The following CCDC14 variants were observed in gnomAD, a reference collection of about 807,000 sequenced individuals.
CCDC14 encodes coiled-coil domain containing 14.
CCDC14 carries 71 observed loss-of-function variants against 81.4 expected under a neutral mutation model. That is an observed-to-expected ratio of 0.87 (90% CI 0.72 to 1.06). CCDC14 has a LOEUF of 1.06. Ranked by LOEUF, CCDC14 falls within the 50% of genes least tolerant of loss-of-function variation. The pLI is 0.00. For synonymous variants in CCDC14, 332 were observed against 364.8 expected, an observed-to-expected ratio of 0.91 and a Z score of 1.03; for missense variants, 1,046 against 1,047.3, an observed-to-expected ratio of 1.00 and a Z score of 0.02.
Position 123,956,032 on chromosome 3 carries a change from T to TTAA in CCDC14, c.229+13_229+14insTTA. ...TGAGATAAGGTGATCAGCAAAGAAT[T>TTAA]AAAAAAAAAAAACCTGAATCTTCAT... is the stretch of plus-strand genomic sequence containing the variant. On this transcript the variant is annotated intron_variant, in intron 4 of 12. Transcript: ENST00000409697. 8.4e-7 allele frequency: 1 copy of TTAA among 1,190,890 alleles called. No homozygotes were observed. The highest frequency in any genetic ancestry group is 1.1e-6 in the Non-Finnish European group (1 of 872,836). 73.8% of individuals were successfully genotyped at this position (1,190,890 alleles called of 1,614,324 possible).
chr3:123,948,820 T>G (rs1332240801), intron 6 of CCDC14, 35 bp from the exon 7 acceptor site: 4 of 1,578,392 alleles, frequency 2.5e-6, no homozygotes, highest in Non-Finnish European at 3.4e-6. Context: ...TAATCACATA[T>G]CCTACTTTTT....
At position 123,961,182 on chromosome 3, in the gene CCDC14, G is replaced by A; in HGVS notation, c.-9C>T. Reference sequence around the variant, plus strand: ...GCTCCAGACCTGACCATCTCTCGCCGCCTCAGAGAAGCCCAGACCGAGGGA... The same window carrying A: ...GCTCCAGACCTGACCATCTCTCGCCACCTCAGAGAAGCCCAGACCGAGGGA... On this transcript the variant is annotated 5_prime_UTR_variant, in exon 1 of 13. Transcript: ENST00000409697. The A allele has an allele frequency of 3.2e-6, 5 of 1,551,530 alleles. No individual in the cohort carries two copies. Among genetic ancestry groups the A allele is most frequent in the African/African-American group, 1.4e-5 (1 of 73,116 alleles).
chr3:123,916,492 G>A (rs2034705569), intron 12 of CCDC14, among the ~76,000 whole-genome samples: 1 of 151,510 alleles, frequency 6.6e-6, no homozygotes, highest in African/African-American at 2.4e-5. Context: ...GTGTGTGTGT[G>A]TGTGTGTGTG....
chr3:123,929,005 A>G (rs1038328225), intron 12 of CCDC14, among the ~76,000 whole-genome samples: 6 of 152,234 alleles, frequency 3.9e-5, no homozygotes, highest in African/African-American at 7.2e-5. Context: ...TAAATAAAAG[A>G]TATCAGCTTG....
intron 5 of CCDC14, among the ~76,000 whole-genome samples, chr3:123,907,543 AC>A (rs2034339541): frequency 2.7e-5 from 4 of 148,202 alleles, no homozygotes; most frequent in African/African-American, 5.0e-5. Flanking sequence ...CCCTGTCTCC[AC>A]ACAAAAAAAA....
At chr3:123,942,778 T>A (rs1478783766) in intron 9 of CCDC14, among the ~76,000 whole-genome samples, 1 of 152,092 alleles carries the variant, frequency 6.6e-6, no homozygotes. Context: ...TTGGCCTTGA[T>A]GGTCATCACT....
chr3:123,918,218 A>G (rs2034823572), intron 12 of CCDC14, among the ~76,000 whole-genome samples: 1 of 152,182 alleles, frequency 6.6e-6, no homozygotes, highest in Non-Finnish European at 1.5e-5. Context: ...TACAAAACTA[A>G]AAACAAATTT....
chr3:123,898,002 C>T (rs1333692783), intron 5 of CCDC14, among the ~76,000 whole-genome samples: 1 of 152,120 alleles, frequency 6.6e-6, no homozygotes, highest in African/African-American at 2.4e-5. Context: ...GAATCTATAG[C>T]CAAATGATAT....
Position 123,944,875 on chromosome 3 carries a change from T to TA in CCDC14, c.1316dup (p.Leu439PhefsTer4). 1 of 1,611,610 alleles carries TA rather than the reference T, an allele frequency of 6.2e-7. No homozygotes were observed. On this transcript the variant is annotated frameshift_variant, in exon 9 of 13. Transcript: ENST00000409697. LOFTEE classifies it high-confidence loss of function. ...TTCGTAACTGAGCATTCTCACTTCT[T>TA]AATGGTTGCATGGCCAGTGCTATCT...
chr3:123,908,209 C>T (rs1458227694), intron 5 of CCDC14, among the ~76,000 whole-genome samples: 2 of 152,146 alleles, frequency 1.3e-5, no homozygotes, highest in East Asian at 3.9e-4. Context: ...GGTAGGAGGA[C>T]ATACCAAAGC....
Position 123,956,733 on chromosome 3 carries a change from T to C in CCDC14, c.86+7A>G. On this transcript the variant is annotated splice_region_variant and intron_variant, in intron 2 of 12. Transcript: ENST00000409697. ...ATCTGAAGTTGTAAACGTCTTCAAGTACTTACGCTTTCTTTCCATTTGTTA... is the reference window on the plus strand; with the variant it reads ...ATCTGAAGTTGTAAACGTCTTCAAGCACTTACGCTTTCTTTCCATTTGTTA... The C allele has an allele frequency of 6.5e-7, 1 of 1,545,878 alleles. No homozygotes were observed. Among genetic ancestry groups the C allele is most frequent in the Non-Finnish European group, 8.8e-7 (1 of 1,142,538 alleles).
chr3:123,923,628 C>T (rs2035176612), intron 12 of CCDC14, among the ~76,000 whole-genome samples: 1 of 151,472 alleles, frequency 6.6e-6, no homozygotes, highest in African/African-American at 2.4e-5. Context: ...ACAAACTACC[C>T]AAAAGAAATT....
At chr3:123,889,852 C>T in the CCDC14 span, among the ~76,000 whole-genome samples, 1 of 152,230 alleles carries the variant, frequency 6.6e-6, no homozygotes, top group Non-Finnish European at 1.5e-5. Flanking sequence ...CAGACTTCTG[C>T]CTGGACACCC....
At chr3:123,885,478 C>G in the CCDC14 span, among the ~76,000 whole-genome samples, 1 of 146,334 alleles carries the variant, frequency 6.8e-6, no homozygotes, top group South Asian at 2.2e-4. Context: ...TCCCCCCACT[C>G]TTTTTTTTTT....
chr3:123,948,717 G>A lies in CCDC14; in HGVS notation c.658C>T (p.Pro220Ser), dbSNP rs1481789035. The A allele has an allele frequency of 6.2e-7, 1 of 1,600,640 alleles. No homozygotes were observed. The highest frequency in any genetic ancestry group is 8.5e-7 in the Non-Finnish European group (1 of 1,176,720). The stretch of plus-strand genomic sequence containing the variant: ...GAATGAACCTTTGGAGGGCAGGGTG[G>A]CCGCTGAAGTGACCAGACTGGGGTG... ...TSTPVWSLQR[P>S]PCPPKVHSEV... Residue 220 changes from proline to serine, a missense_variant, in exon 7 of 13, where the codon CCA becomes TCA. Pro to Ser is a moderately conservative substitution (Grantham distance 74). Transcript: ENST00000409697.
intron 3 of CCDC14, 46 bp downstream of exon 3, chr3:123,956,309 T>C (rs1004702190): frequency 1.4e-6 from 2 of 1,410,916 alleles, no homozygotes; most frequent in Admixed American, 4.8e-5. Context: ...TAGCTACTAT[T>C]TGAAAACTAA....
At chr3:123,953,716 A>G (rs1036364431) in intron 5 of CCDC14, 2 of 152,226 alleles carry the variant, frequency 1.3e-5, no homozygotes, top group African/African-American at 2.4e-5. Context: ...CTCCCTTTCT[A>G]TAAGGCCACC....
intron 12 of CCDC14, among the ~76,000 whole-genome samples, chr3:123,921,484 T>C (rs1267039613): frequency 3.3e-5 from 5 of 152,200 alleles, no homozygotes; most frequent in African/African-American, 1.2e-4. Context: ...TGTAAGAATA[T>C]ATGCACCCAA....
the CCDC14 span, among the ~76,000 whole-genome samples, chr3:123,888,076 T>A: frequency 1.3e-5 from 2 of 152,010 alleles, no homozygotes; most frequent in Admixed American, 6.5e-5. Flanking sequence ...CAAAAAAAAA[T>A]AAAAAATAAA....
Sources: gnomAD v4.1 joint callset for allele counts (sites outside exome capture counted in the v4.1 genomes callset) on GRCh38, gnomAD v4.1.1 for gene constraint, MANE v1.5 for transcripts, NCBI Gene and HGNC (gene_info 2026-07-23, HGNC 2026-07-21) for gene names.